Variants in SLC35F3 observed in about 807,000 individuals in gnomAD.
SLC35F3 encodes putative thiamine transporter SLC35F3.
Under a neutral mutation model 49.9 loss-of-function variants are expected in SLC35F3, and 25 were observed. That is an observed-to-expected ratio of 0.50 (90% CI 0.37 to 0.70). The LOEUF is 0.70. SLC35F3 is among the 30% of genes least tolerant of loss of function. The probability of loss-of-function intolerance (pLI) is 0.00; values close to 1 mark genes in which losing one functional copy is unlikely to be tolerated. For missense variants in SLC35F3, 525 were observed against 639.8 expected (o/e 0.82, Z 1.94); for synonymous variants, 275 against 265.4 (o/e 1.04, Z -0.35).
At chr1:234,017,503 G>C (rs569564738) in intron 2 of SLC35F3, among the ~76,000 whole-genome samples, 3 of 151,728 alleles carry the variant, frequency 2.0e-5, no homozygotes, top group Non-Finnish European at 4.4e-5. Context: ...CACGAGGTCA[G>C]GAGATCGAAA....
chr1:233,921,554 C>G (rs1240495007), intron 2 of SLC35F3, among the ~76,000 whole-genome samples: 2 of 152,202 alleles, frequency 1.3e-5, no homozygotes, highest in Admixed American at 1.3e-4. Flanking sequence ...TTCATCCCTC[C>G]CTCCCCTCAA....
intron 3 of SLC35F3, among the ~76,000 whole-genome samples, chr1:234,253,118 G>A (rs975380492): frequency 4.6e-5 from 7 of 152,166 alleles, no homozygotes; most frequent in Non-Finnish European, 8.8e-5. Flanking sequence ...CTGAGGTCAG[G>A]AGTTCGAGAC....
At chr1:234,054,197 G>GT (rs1664422401) in intron 2 of SLC35F3, among the ~76,000 whole-genome samples, 1 of 152,330 alleles carries the variant, frequency 6.6e-6, no homozygotes, top group South Asian at 2.1e-4. Context: ...TGCCTTGCTA[G>GT]GTTGGGGAAG....
intron 2 of SLC35F3, among the ~76,000 whole-genome samples, chr1:234,031,023 T>G (rs1370998944): frequency 5.9e-5 from 9 of 152,194 alleles, no homozygotes; most frequent in Admixed American, 5.9e-4. Flanking sequence ...CCATCATTCA[T>G]GTCAGGGGAG....
At chr1:233,906,766 A>G (rs942527117) in intron 2 of SLC35F3, among the ~76,000 whole-genome samples, 2 of 152,228 alleles carry the variant, frequency 1.3e-5, no homozygotes, top group African/African-American at 4.8e-5. Context: ...ACTAAAAAAA[A>G]ATGTCTATCT....
chr1:233,924,305 A>G (rs564160202), intron 2 of SLC35F3, among the ~76,000 whole-genome samples: 56 of 152,192 alleles, frequency 3.7e-4, no homozygotes, highest in South Asian at 8.3e-4. Flanking sequence ...GCTATTAATT[A>G]TTGCCTCAAT....
At chr1:234,075,623 G>C (rs944480043) in intron 2 of SLC35F3, among the ~76,000 whole-genome samples, 2 of 152,212 alleles carry the variant, frequency 1.3e-5, no homozygotes, top group Non-Finnish European at 2.9e-5. Flanking sequence ...GCACACTGTA[G>C]AGCAGTCAGG....
intron 7 of SLC35F3, among the ~76,000 whole-genome samples, chr1:234,322,397 T>C (rs1189740698): frequency 6.6e-6 from 1 of 152,170 alleles, no homozygotes; most frequent in East Asian, 1.9e-4. Context: ...TATTGTACTC[T>C]TACAATAAAG....
intron 2 of SLC35F3, among the ~76,000 whole-genome samples, chr1:234,019,779 C>T (rs1663863483): frequency 6.6e-6 from 1 of 152,200 alleles, no homozygotes; most frequent in African/African-American, 2.4e-5. Context: ...TCTTCAGACT[C>T]AACATCTCTG....
chr1:233,961,238 C>G (rs538298366), intron 2 of SLC35F3, among the ~76,000 whole-genome samples: 1 of 152,144 alleles, frequency 6.6e-6, no homozygotes, highest in South Asian at 2.1e-4. Flanking sequence ...TTTGAAAAAA[C>G]CTGTGAAGGC....
At chr1:234,010,447 A>G (rs1411821694) in intron 2 of SLC35F3, among the ~76,000 whole-genome samples, 1 of 152,258 alleles carries the variant, frequency 6.6e-6, no homozygotes, top group Non-Finnish European at 1.5e-5. Flanking sequence ...TATCTACAAA[A>G]TAACCAGAAA....
chr1:233,929,034 A>G (rs1309095998), intron 2 of SLC35F3, among the ~76,000 whole-genome samples: 1 of 152,350 alleles, frequency 6.6e-6, no homozygotes, highest in East Asian at 1.9e-4. Context: ...CTGTTAATAT[A>G]GAATACATTT....
At chr1:234,050,207 C>T (rs904925748) in intron 2 of SLC35F3, among the ~76,000 whole-genome samples, 6 of 152,188 alleles carry the variant, frequency 3.9e-5, no homozygotes, top group South Asian at 4.1e-4. Flanking sequence ...CTTGAGGAAT[C>T]GCCACACTGT....
intron 2 of SLC35F3, among the ~76,000 whole-genome samples, chr1:233,914,769 T>A (rs1294841254): frequency 6.6e-6 from 1 of 152,174 alleles, no homozygotes; most frequent in East Asian, 1.9e-4. Context: ...CTTTTTTTTT[T>A]GTACATGATG....
intron 3 of SLC35F3, chr1:234,285,496 G>A (rs1403791794): frequency 2.6e-6 from 1 of 385,318 alleles, no homozygotes; most frequent in Non-Finnish European, 5.1e-6. Flanking sequence ...AAATTTTGGG[G>A]TGCCATCTAT....
chr1:233,974,442 A>G (rs932029954), intron 2 of SLC35F3, among the ~76,000 whole-genome samples: 1 of 152,006 alleles, frequency 6.6e-6, no homozygotes, highest in Admixed American at 6.5e-5. Context: ...TCAGCCTCCC[A>G]AAGTGCTGGG....
intron 2 of SLC35F3, among the ~76,000 whole-genome samples, chr1:234,039,996 T>G (rs1048902442): frequency 2.0e-5 from 3 of 151,196 alleles, no homozygotes; most frequent in Admixed American, 6.6e-5. Context: ...CAGCCTTTTT[T>G]GGGTACCAGC....
chr1:234,162,030 C>T (rs1420708877), intron 2 of SLC35F3, among the ~76,000 whole-genome samples: 2 of 152,114 alleles, frequency 1.3e-5, no homozygotes, highest in African/African-American at 2.4e-5. Context: ...CAGGTCTAAT[C>T]GACCTGTGCT....
At chr1:234,166,940 A>T (rs1188403402) in intron 2 of SLC35F3, among the ~76,000 whole-genome samples, 1 of 152,200 alleles carries the variant, frequency 6.6e-6, no homozygotes, top group East Asian at 1.9e-4. Flanking sequence ...CCACGCCCTA[A>T]GGGAATGGAT....
Sources: allele counts gnomAD v4.1 joint callset (sites outside exome capture counted in the v4.1 genomes callset), GRCh38; gene constraint gnomAD v4.1.1; transcripts MANE v1.5; gene names NCBI Gene and HGNC (gene_info 2026-07-23, HGNC 2026-07-21).